PEX14: variants seen among roughly 807,000 people sequenced by gnomAD.
The protein encoded by PEX14 is peroxisomal biogenesis factor 14.
Under a neutral mutation model 49.5 loss-of-function variants are expected in PEX14, and 15 were observed. The observed-to-expected ratio is 0.30, with a 90% CI of 0.20 to 0.47. The LOEUF is 0.47. PEX14 is among the 20% of genes least tolerant of loss of function. The pLI is 1.00. For synonymous variants in PEX14, 210 were observed against 212.7 expected (o/e 0.99, Z 0.11); for missense variants, 398 against 494.8 (o/e 0.80, Z 1.86).
chr1:10,488,920 G>T (rs1641420771), intron 1 of PEX14, among the ~76,000 whole-genome samples: 1 of 152,084 alleles, frequency 6.6e-6, no homozygotes. Flanking sequence ...ATATCGTCTG[G>T]TTTTTCTTAT....
intron 3 of PEX14, among the ~76,000 whole-genome samples, chr1:10,545,949 G>T (rs565459294): frequency 6.6e-6 from 1 of 152,112 alleles, no homozygotes; most frequent in Non-Finnish European, 1.5e-5. Context: ...AGAGGCTGAG[G>T]CAGGAGGATT....
At chr1:10,517,690 A>ATT (rs60778161) in intron 2 of PEX14, among the ~76,000 whole-genome samples, 5 of 135,832 alleles carry the variant, frequency 3.7e-5, no homozygotes, top group Admixed American at 1.4e-4. Context: ...AGAACCTGTG[A>ATT]TTTTTTTTTT....
chr1:10,586,516 A>T (rs1293402384), intron 3 of PEX14, among the ~76,000 whole-genome samples: 2 of 152,130 alleles, frequency 1.3e-5, no homozygotes, highest in Non-Finnish European at 2.9e-5. Flanking sequence ...AAAACTAGAA[A>T]TACATTCTTT....
chr1:10,541,751 C>T (rs1639021756), intron 3 of PEX14, among the ~76,000 whole-genome samples: 1 of 152,200 alleles, frequency 6.6e-6, no homozygotes, highest in Non-Finnish European at 1.5e-5. Flanking sequence ...CCTTGAACTC[C>T]ACAGATTTTT....
rs1638580348 is a variant in PEX14, at chr1:10,529,367, C to T, written c.85-6846C>T. Among the ~76,000 whole-genome samples, 1 of 152,232 alleles carries T rather than the reference C, an allele frequency of 6.6e-6. No individual in the cohort carries two copies. The highest frequency in any genetic ancestry group is 1.5e-5 in the Non-Finnish European group (1 of 68,034). On this transcript the variant is annotated intron_variant, in intron 2 of 8. Transcript: ENST00000356607. This position sits in a 1 kb window ranked among gnomAD's most constrained non-coding sequence, Gnocchi z 4.2. Reference sequence around the variant, plus strand: ...GCGCCCTTTGGGCTGGAAGTTGGCACCCAGAGTCCTCGGCTGGACACGGAC... The same window carrying T: ...GCGCCCTTTGGGCTGGAAGTTGGCATCCAGAGTCCTCGGCTGGACACGGAC...
chr1:10,563,719 T>C (rs1639720709), intron 3 of PEX14, among the ~76,000 whole-genome samples: 1 of 152,078 alleles, frequency 6.6e-6, no homozygotes. Flanking sequence ...GGTCAGGAGA[T>C]TGAGACCACG....
chr1:10,570,724 T>G (rs891942003), intron 3 of PEX14, among the ~76,000 whole-genome samples: 2 of 152,154 alleles, frequency 1.3e-5, no homozygotes, highest in African/African-American at 2.4e-5. Context: ...AAGAAACTGA[T>G]TGGAGCATCT....
intron 4 of PEX14, among the ~76,000 whole-genome samples, chr1:10,612,629 G>A (rs1390472791): frequency 6.6e-6 from 1 of 152,148 alleles, no homozygotes; most frequent in Non-Finnish European, 1.5e-5. Context: ...CCCACTGCCA[G>A]CCATCCACAG....
At chr1:10,622,136 T>C (rs555552552) in intron 5 of PEX14, among the ~76,000 whole-genome samples, 94 of 152,028 alleles carry the variant, frequency 6.2e-4, no homozygotes, top group African/African-American at 2.1e-3. Flanking sequence ...CTCCACACCC[T>C]CACCTCCAAG....
intron 3 of PEX14, among the ~76,000 whole-genome samples, chr1:10,545,173 G>T (rs539300646): frequency 4.3e-4 from 65 of 152,188 alleles, no homozygotes; most frequent in Non-Finnish European, 7.2e-4. Context: ...CCATGTTGTT[G>T]TATATACTAG....
At chr1:10,607,774 G>A (rs965342804) in intron 4 of PEX14, among the ~76,000 whole-genome samples, 1 of 152,170 alleles carries the variant, frequency 6.6e-6, no homozygotes, top group African/African-American at 2.4e-5. Flanking sequence ...CTGGATTCAA[G>A]TTGTTGGTCA....
intron 1 of PEX14, among the ~76,000 whole-genome samples, chr1:10,482,508 A>T (rs1275588939): frequency 6.8e-6 from 1 of 146,914 alleles, no homozygotes; most frequent in Non-Finnish European, 1.5e-5. Context: ...ATCTCAGCTC[A>T]CTGCAACCTC....
At chr1:10,489,275 C>T (rs1423218975) in intron 1 of PEX14, among the ~76,000 whole-genome samples, 1 of 152,188 alleles carries the variant, frequency 6.6e-6, no homozygotes, top group African/African-American at 2.4e-5. Context: ...GCTACCGTGC[C>T]TGGCCATGTG....
intron 4 of PEX14, among the ~76,000 whole-genome samples, chr1:10,603,378 A>C (rs903445365): frequency 2.6e-5 from 4 of 152,214 alleles, no homozygotes; most frequent in African/African-American, 9.6e-5. Flanking sequence ...TACAGACAAG[A>C]AATTCTGAAA....
At chr1:10,616,335 C>T (rs1257267239) in intron 4 of PEX14, among the ~76,000 whole-genome samples, 3 of 152,164 alleles carry the variant, frequency 2.0e-5, no homozygotes, top group Admixed American at 1.3e-4. Flanking sequence ...GGTCATAAAA[C>T]GCCAGGACAT....
intron 1 of PEX14, among the ~76,000 whole-genome samples, chr1:10,484,364 G>T (rs1641332842): frequency 6.6e-6 from 1 of 151,462 alleles, no homozygotes; most frequent in Admixed American, 6.6e-5. Flanking sequence ...GTAGAGATGG[G>T]GTTTCACTGT....
intron 2 of PEX14, among the ~76,000 whole-genome samples, chr1:10,533,079 G>C (rs1050105798): frequency 2.6e-5 from 4 of 152,138 alleles, no homozygotes; most frequent in Admixed American, 6.5e-5. Context: ...GGAGGGAGAA[G>C]AGTCAAGAGT....
chr1:10,560,718 CTTTTT>C (rs34964492), intron 3 of PEX14, among the ~76,000 whole-genome samples: 1 of 129,084 alleles, frequency 7.7e-6, no homozygotes, highest in Non-Finnish European at 1.6e-5. Context: ...ATTTTGCCAC[CTTTTT>C]TTTTTTTTTT....
chr1:10,486,322 A>G (rs1475195846), intron 1 of PEX14, among the ~76,000 whole-genome samples: 1 of 149,960 alleles, frequency 6.7e-6, no homozygotes, highest in Admixed American at 6.7e-5. Flanking sequence ...TGCCTTTGTC[A>G]AGTTGAAGAA....
Sources: gnomAD v4.1 joint callset for allele counts (sites outside exome capture counted in the v4.1 genomes callset) on GRCh38, gnomAD v4.1.1 for gene constraint, Gnocchi (gnomAD v3.1) non-coding constraint, MANE v1.5 for transcripts, NCBI Gene and HGNC (gene_info 2026-07-23, HGNC 2026-07-21) for gene names.